Variants in NAV2 observed in about 807,000 individuals in gnomAD.
NAV2 encodes the protein neuron navigator 2, also known as helicase, APC down-regulated 1.
Under a neutral mutation model 223.2 loss-of-function variants are expected in NAV2, and 54 were observed. The observed-to-expected ratio is 0.24, with a 90% confidence interval of 0.19 to 0.30. NAV2 has a LOEUF of 0.30. NAV2 is among the 10% of genes least tolerant of loss of function. The probability of loss-of-function intolerance (pLI) is 1.00; values close to 1 mark genes in which losing one functional copy is unlikely to be tolerated. For missense variants in NAV2, 2,806 were observed against 3,147.5 expected (o/e 0.89, Z 2.60); for synonymous variants, 1,279 against 1,239.3 (o/e 1.03, Z -0.67).
intron 1 of NAV2, among the ~76,000 whole-genome samples, chr11:19,569,967 G>A (rs763005896): frequency 2.6e-5 from 4 of 152,220 alleles, no homozygotes; most frequent in Non-Finnish European, 5.9e-5. Context: ...CCAGGTGGCT[G>A]TCTCACCTGA....
chr11:19,345,326 T>C, the NAV2 span, among the ~76,000 whole-genome samples: 2 of 152,198 alleles, frequency 1.3e-5, no homozygotes, highest in Non-Finnish European at 2.9e-5. The surrounding 1 kb of genome is among the most constrained non-coding windows in gnomAD (Gnocchi z 5.2). Context: ...GAACCCCCTA[T>C]GCTGCCTCCC....
In NAV2 at chr11:19,365,222, C is replaced by T. The variant is rs768008787; in HGVS notation, c.75+14195C>T. Among the ~76,000 whole-genome samples the T allele has an allele frequency of 4.6e-5, 7 of 152,192 alleles. 1 individual carries two copies. The highest frequency in any genetic ancestry group is 4.6e-4 in the Admixed American group (7 of 15,286). ...TCACCTCATTCTTTCCAGTTTTCTC[C>T]AACCATCTACCCCTAGTCACTATTC... On this transcript the variant is annotated intron_variant, in intron 1 of 37. Coordinates refer to the NAV2 transcript ENST00000360655.
chr11:19,478,211 G>A (rs2729885), intron 1 of NAV2, among the ~76,000 whole-genome samples: 2,770 of 152,332 alleles, frequency 0.018, 79 homozygotes, highest in African/African-American at 0.064. Flanking sequence ...GGCAGGCATG[G>A]TGGAGGTGAG....
chr11:19,679,493 C>A (rs1355177121), intron 1 of NAV2, among the ~76,000 whole-genome samples: 3 of 151,874 alleles, frequency 2.0e-5, no homozygotes, highest in Non-Finnish European at 4.4e-5. Context: ...TCATTTCCTT[C>A]CCCTTTGGTA....
intron 11 of NAV2, among the ~76,000 whole-genome samples, chr11:19,999,998 CTG>C (rs1414139379): frequency 6.6e-6 from 1 of 152,220 alleles, no homozygotes; most frequent in East Asian, 1.9e-4. Flanking sequence ...GGCCACTGGC[CTG>C]TGTCACCTCC....
intron 15 of NAV2, 66 bp downstream of exon 15, chr11:20,049,261 T>C (rs2057747642): frequency 8.4e-7 from 1 of 1,196,144 alleles, no homozygotes; most frequent in Non-Finnish European, 1.2e-6. Flanking sequence ...AAGATTAGCT[T>C]AGGAATCCCA....
At chr11:20,017,764 G>T (rs546216460) in intron 11 of NAV2, among the ~76,000 whole-genome samples, 2 of 152,176 alleles carry the variant, frequency 1.3e-5, no homozygotes, top group Non-Finnish European at 2.9e-5. Flanking sequence ...AGTATTAACT[G>T]CTGTACTTCA....
chr11:19,375,829 G>A (rs1267073652), intron 1 of NAV2, among the ~76,000 whole-genome samples: 1 of 152,136 alleles, frequency 6.6e-6, no homozygotes, highest in African/African-American at 2.4e-5. Context: ...GGTGGCGATG[G>A]TGGGGGGTGT....
chr11:20,010,793 G>A (rs1469412501), intron 11 of NAV2, among the ~76,000 whole-genome samples: 1 of 152,034 alleles, frequency 6.6e-6, no homozygotes, highest in Non-Finnish European at 1.5e-5. Flanking sequence ...TGCTCTTTAG[G>A]TAAATTAATA....
intron 1 of NAV2, among the ~76,000 whole-genome samples, chr11:19,467,584 A>G (rs545180045): frequency 6.6e-6 from 1 of 152,338 alleles, no homozygotes; most frequent in South Asian, 2.1e-4. Context: ...AATTTAGAGT[A>G]AGTTAAAGGT....
intron 1 of NAV2, among the ~76,000 whole-genome samples, chr11:19,727,594 C>T (rs1276075380): frequency 1.3e-5 from 2 of 152,240 alleles, no homozygotes; most frequent in African/African-American, 4.8e-5. Flanking sequence ...TTCTTTCAAT[C>T]ACCCTGCAAT....
chr11:20,013,802 G>C (rs1307156737), intron 11 of NAV2, among the ~76,000 whole-genome samples: 1 of 152,234 alleles, frequency 6.6e-6, no homozygotes, highest in East Asian at 1.9e-4. Flanking sequence ...AAGGAATTCA[G>C]TGGGAGATCT....
Position 20,075,443 on chromosome 11 carries a change from G to A in NAV2, c.4984-2109G>A, listed in dbSNP as rs147274169. Among the ~76,000 whole-genome samples the A allele has an allele frequency of 8.5e-3, 1,299 of 151,962 alleles. 22 individuals carry two copies. The highest frequency in any genetic ancestry group is 0.028 in the African/African-American group (1,178 of 41,478). Reference sequence around the variant, plus strand: ...TTTTTAGTAGAGACGGGGTTTCACCGTGTTAGCCAGGATAGTCTCGATCTC... The same window carrying A: ...TTTTTAGTAGAGACGGGGTTTCACCATGTTAGCCAGGATAGTCTCGATCTC... On this transcript the variant is annotated intron_variant, in intron 22 of 37. Coordinates refer to ENST00000349880, the MANE Select transcript of NAV2 (RefSeq NM_145117.5).
At chr11:19,410,319 C>A (rs541360100) in intron 1 of NAV2, among the ~76,000 whole-genome samples, 1 of 152,298 alleles carries the variant, frequency 6.6e-6, no homozygotes, top group East Asian at 1.9e-4. Context: ...CTAAGCCCTG[C>A]CTGATTATAT....
intron 1 of NAV2, among the ~76,000 whole-genome samples, chr11:19,493,058 AT>A (rs1420580298): frequency 6.6e-6 from 1 of 152,202 alleles, no homozygotes; most frequent in Non-Finnish European, 1.5e-5. Flanking sequence ...CAGGTCGATA[AT>A]GTTGCTATAT....
At chr11:19,894,474 A>G (rs1306460332) in intron 6 of NAV2, among the ~76,000 whole-genome samples, 4 of 152,224 alleles carry the variant, frequency 2.6e-5, no homozygotes, top group African/African-American at 9.6e-5. Context: ...CAAGTCCAAA[A>G]AATTGAGAAA....
intron 5 of NAV2, among the ~76,000 whole-genome samples, chr11:19,884,561 G>A (rs1405705815): frequency 6.6e-6 from 1 of 152,180 alleles, no homozygotes; most frequent in East Asian, 1.9e-4. Flanking sequence ...AAGTGTGTGT[G>A]GGGGAAGTGA....
At chr11:19,378,869 T>C (rs147489411) in intron 1 of NAV2, among the ~76,000 whole-genome samples, 27 of 152,084 alleles carry the variant, frequency 1.8e-4, no homozygotes, top group African/African-American at 5.1e-4. Context: ...GGGCAGGGGC[T>C]TTGTTGTTTT....
chr11:19,645,737 G>GT (rs1206288492), intron 1 of NAV2, among the ~76,000 whole-genome samples: 1 of 151,910 alleles, frequency 6.6e-6, no homozygotes, highest in African/African-American at 2.4e-5. Context: ...AAGCAATTGC[G>GT]TTTTTTGCCA....
Sources: gnomAD v4.1 joint callset for allele counts (sites outside exome capture counted in the v4.1 genomes callset) on GRCh38, gnomAD v4.1.1 for gene constraint, Gnocchi (gnomAD v3.1) non-coding constraint, MANE v1.5 for transcripts, NCBI Gene and HGNC (gene_info 2026-07-23, HGNC 2026-07-21) for gene names.